Variants in DOCK7 observed in about 807,000 individuals in gnomAD.
DOCK7 encodes the protein dedicator of cytokinesis protein 7.
A neutral mutation model predicts 271.0 loss-of-function variants in DOCK7; 138 were observed. That is an observed-to-expected ratio of 0.51 (90% CI 0.44 to 0.59). The LOEUF is 0.59. DOCK7 is among the 20% of genes least tolerant of loss of function. The pLI is 0.00. For synonymous variants in DOCK7, 823 were observed against 876.1 expected (o/e 0.94, Z 1.07); for missense variants, 2,066 against 2,592.4 (o/e 0.80, Z 4.41).
At chr1:62,569,538 C>T (rs986380336) in intron 18 of DOCK7, among the ~76,000 whole-genome samples, 14 of 152,100 alleles carry the variant, frequency 9.2e-5, no homozygotes, top group South Asian at 2.1e-4. Flanking sequence ...AATTCAGTAT[C>T]GCTTCATGTT....
rs537365761 is a variant in DOCK7 at position 62,597,843 on chromosome 1, AAAG to A, written c.1683-11222_1683-11220del. 216 of 1,605,168 alleles carry A rather than the reference AAAG, an allele frequency of 1.3e-4. No individual in the cohort carries two copies. Among genetic ancestry groups the A allele is most frequent in the African/African-American group, 7.5e-4 (56 of 74,506 alleles). ...TCTATCGCTGCAAACCAGTGAAATC[AAAG>A]AAGAAGAAAAGGAACTGAGAAGAAC... On this transcript the variant is annotated intron_variant, in intron 14 of 49. Transcript: ENST00000635253.
chr1:62,457,203 T>G (rs1444046375), intron 49 of DOCK7, among the ~76,000 whole-genome samples: 2 of 152,194 alleles, frequency 1.3e-5, no homozygotes, highest in Non-Finnish European at 2.9e-5. Flanking sequence ...GAGTACCAAC[T>G]TTTTGATTCT....
intron 1 of DOCK7, among the ~76,000 whole-genome samples, chr1:62,671,557 C>T (rs564214716): frequency 6.6e-6 from 1 of 152,048 alleles, no homozygotes; most frequent in Non-Finnish European, 1.5e-5. Flanking sequence ...TTAGAGACTA[C>T]CTAGTACTTT....
intron 4 of DOCK7, among the ~76,000 whole-genome samples, chr1:62,652,483 G>A (rs1018241724): frequency 6.6e-6 from 1 of 152,010 alleles, no homozygotes; most frequent in Non-Finnish European, 1.5e-5. Context: ...TCTCAGAGAA[G>A]TTACCTAACT....
At chr1:62,469,947 A>C (rs371594962) in intron 48 of DOCK7, among the ~76,000 whole-genome samples, 2 of 152,194 alleles carry the variant, frequency 1.3e-5, no homozygotes, top group East Asian at 3.8e-4. Context: ...GGATGCGGTA[A>C]AAAGGGAATA....
chr1:62,517,323 G>A (rs11207979), intron 31 of DOCK7, among the ~76,000 whole-genome samples: 60,302 of 152,016 alleles, frequency 0.4, 12,958 homozygotes, highest in African/African-American at 0.57. Flanking sequence ...CAGGCCGGGC[G>A]CAGTGGCTCA....
intron 40 of DOCK7, among the ~76,000 whole-genome samples, chr1:62,493,569 C>T (rs1646526908): frequency 6.6e-6 from 1 of 152,108 alleles, no homozygotes; most frequent in Non-Finnish European, 1.5e-5. Context: ...AGTTTCCCCT[C>T]CCCCAATCTA....
chr1:62,659,425 A>G (rs1438923411), intron 2 of DOCK7, among the ~76,000 whole-genome samples: 1 of 152,190 alleles, frequency 6.6e-6, no homozygotes, highest in Non-Finnish European at 1.5e-5. Context: ...AACACTATAA[A>G]TCAAAATGGA....
chr1:62,479,900 G>T (rs1256832096), intron 43 of DOCK7, among the ~76,000 whole-genome samples: 3 of 152,044 alleles, frequency 2.0e-5, no homozygotes, highest in South Asian at 2.1e-4. Flanking sequence ...GCCCAGGCTG[G>T]TCTTGAATTC....
intron 14 of DOCK7, chr1:62,608,120 A>T (rs1442794160): frequency 6.6e-6 from 1 of 152,196 alleles, no homozygotes; most frequent in East Asian, 1.9e-4. Flanking sequence ...TTTCCCCCCA[A>T]GTATTTAAAA....
intron 2 of DOCK7, among the ~76,000 whole-genome samples, chr1:62,662,136 A>G (rs1417123009): frequency 6.6e-6 from 1 of 152,140 alleles, no homozygotes; most frequent in African/African-American, 2.4e-5. Context: ...ATATAACTCC[A>G]CCCTATCATG....
intron 43 of DOCK7, chr1:62,485,433 T>C (rs1646265120): frequency 1.0e-6 from 1 of 985,222 alleles, no homozygotes; most frequent in African/African-American, 1.7e-5. Flanking sequence ...ATGAAACATG[T>C]GACTAATATA....
At chr1:62,592,503 G>A (rs780293809) in intron 14 of DOCK7, among the ~76,000 whole-genome samples, 4 of 151,892 alleles carry the variant, frequency 2.6e-5, no homozygotes, top group Admixed American at 6.6e-5. Flanking sequence ...TACCATAAAC[G>A]CAGGAGGAAG....
intron 29 of DOCK7, 21 bp downstream of exon 29, chr1:62,535,472 G>A (rs1645313323): frequency 6.2e-7 from 1 of 1,606,686 alleles, no homozygotes; most frequent in Non-Finnish European, 8.5e-7. Context: ...TATTCTACAA[G>A]GTAAAAACTA....
intron 1 of DOCK7, among the ~76,000 whole-genome samples, chr1:62,665,932 G>A (rs949231780): frequency 1.3e-5 from 2 of 151,992 alleles, no homozygotes; most frequent in Non-Finnish European, 2.9e-5. Flanking sequence ...AGGAGGCCGA[G>A]GCGGGCGGAT....
chr1:62,654,035 A>G lies in DOCK7; in HGVS notation c.269T>C (p.Val90Ala), dbSNP rs750879743. The G allele has an allele frequency of 1.9e-6, 3 of 1,613,974 alleles. No individual in the cohort carries two copies. In the East Asian group the frequency reaches 6.7e-5, roughly 36 times the overall value. ...AGTTCTGCAGTCCCGAGGACTATAA[A>G]CAACTTCAATATCATCTGGAGGAAA... is the stretch of plus-strand genomic sequence containing the variant. ...IEFPPDDIEVVYSPRDCRTLV... is the reference protein window; with the variant it reads ...IEFPPDDIEVAYSPRDCRTLV... The change falls in exon 3 of 50, where the codon GTT becomes GCT. Residue 90 changes from valine (V) to alanine (A), a missense_variant. Physicochemically the swap from Val to Ala is moderately conservative, Grantham distance 64. Transcript: ENST00000635253.
chr1:62,591,778 A>G lies in DOCK7; in HGVS notation c.1683-5154T>C, dbSNP rs188030319. On this transcript the variant is annotated intron_variant, in intron 14 of 49. Transcript: ENST00000635253. ...CTCAACTTTACCCTTCCCCCATCAC[A>G]CCACTTTGTTACTTCATTCAGAACT... is the stretch of plus-strand genomic sequence containing the variant. 5.2e-3 allele frequency among the ~76,000 whole-genome samples: 796 copies of G among 152,164 alleles called. 12 individuals carry two copies. The highest frequency in any genetic ancestry group is 0.018 in the African/African-American group (750 of 41,516).
chr1:62,478,308 G>A (rs1168010), intron 43 of DOCK7: 87,269 of 151,828 alleles, frequency 0.57, 26,719 homozygotes, highest in East Asian at 0.75. Context: ...GTAAAAGTTA[G>A]GAGTCAAAGA....
At position 62,582,946 on chromosome 1, in the gene DOCK7, T is replaced by C. The variant is rs77342856; in HGVS notation, c.1871+238A>G. Among the ~76,000 whole-genome samples, 2,640 of 152,174 alleles carry C rather than the reference T, an allele frequency of 0.017. 77 individuals carry two copies. The highest frequency in any genetic ancestry group is 0.06 in the African/African-American group (2,492 of 41,520). On this transcript the variant is annotated intron_variant, in intron 16 of 49. Coordinates refer to ENST00000635253, the MANE Select transcript of DOCK7 (RefSeq NM_001367561.1). ...CGGCCACAATGATAATCAATAACAA[T>C]ATAATAAAAATGAAAGGATCAGAGA...
Sources: gnomAD v4.1 joint callset for allele counts (sites outside exome capture counted in the v4.1 genomes callset) on GRCh38, gnomAD v4.1.1 for gene constraint, MANE v1.5 for transcripts, NCBI Gene and HGNC (gene_info 2026-07-23, HGNC 2026-07-21) for gene names.